Variants in FAF1 observed in about 807,000 individuals in gnomAD.
FAF1 encodes FAS-associated factor 1.
FAF1 carries 25 observed loss-of-function variants against 92.5 expected under a neutral mutation model. The observed-to-expected ratio is 0.27, with a 90% CI of 0.20 to 0.38. The LOEUF (loss-of-function observed/expected upper bound fraction) is 0.38, where lower values mean the gene tolerates loss of function less well. Ranked by LOEUF, FAF1 falls within the 10% of genes least tolerant of loss-of-function variation. The pLI is 1.00. For synonymous variants in FAF1, 234 were observed against 273.2 expected (o/e 0.86, Z 1.42); for missense variants, 636 against 793.3 (o/e 0.80, Z 2.38).
intron 3 of FAF1, among the ~76,000 whole-genome samples, chr1:50,796,212 A>AAC (rs59114947): frequency 0.027 from 4,136 of 151,136 alleles, 176 homozygotes; most frequent in African/African-American, 0.096. Context: ...CAAACACACA[A>AAC]ACACACACAC....
intron 5 of FAF1, among the ~76,000 whole-genome samples, chr1:50,741,457 A>C (rs1659385563): frequency 6.6e-6 from 1 of 152,242 alleles, no homozygotes; most frequent in East Asian, 1.9e-4. Context: ...AAATGTAATA[A>C]AAAAGCTATG....
At chr1:50,939,139 T>C (rs1479135045) in intron 1 of FAF1, among the ~76,000 whole-genome samples, 2 of 152,236 alleles carry the variant, frequency 1.3e-5, no homozygotes, top group Non-Finnish European at 2.9e-5. Context: ...GCACTGAATG[T>C]ATAAATTGCT....
intron 1 of FAF1, among the ~76,000 whole-genome samples, chr1:50,871,167 A>G (rs769140158): frequency 6.6e-6 from 1 of 152,250 alleles, no homozygotes; most frequent in Non-Finnish European, 1.5e-5. Flanking sequence ...AGGTGAGGAC[A>G]CGCAGAAGAA....
At chr1:50,609,241 A>G (rs2124129990) in intron 8 of FAF1, among the ~76,000 whole-genome samples, 1 of 152,324 alleles carries the variant, frequency 6.6e-6, no homozygotes, top group Non-Finnish European at 1.5e-5. Flanking sequence ...ATTCTGCCTA[A>G]TCCTTGTTAT....
chr1:50,542,472 G>C (rs1026240080), intron 13 of FAF1, among the ~76,000 whole-genome samples: 1 of 151,994 alleles, frequency 6.6e-6, no homozygotes, highest in African/African-American at 2.4e-5. Flanking sequence ...AAATAGATGG[G>C]GAAAAACCAG....
intron 5 of FAF1, among the ~76,000 whole-genome samples, chr1:50,739,418 G>T (rs945737375): frequency 6.6e-6 from 1 of 151,592 alleles, no homozygotes; most frequent in Non-Finnish European, 1.5e-5. Flanking sequence ...ATACATGTGA[G>T]TGTATGTGTA....
chr1:50,539,470 G>T (rs1648655562), intron 14 of FAF1, 122 bp downstream of exon 14: 6 of 596,604 alleles, frequency 1.0e-5, no homozygotes, highest in South Asian at 3.6e-5. Flanking sequence ...CATTTTTCAG[G>T]ATATTCTATA....
At chr1:50,504,096 T>C (rs989392826) in intron 15 of FAF1, among the ~76,000 whole-genome samples, 7 of 152,226 alleles carry the variant, frequency 4.6e-5, no homozygotes, top group African/African-American at 1.7e-4. Context: ...AAAAAATTAA[T>C]AGATGGATGA....
rs57528056 is a variant in FAF1 at position 50,779,991 on chromosome 1, G to GACACACACACACACACACACAC, written c.367+7987_367+8008dup. 2.7e-5 allele frequency among the ~76,000 whole-genome samples: 4 copies of GACACACACACACACACACACAC among 145,526 alleles called. No homozygotes were observed. In the South Asian group the frequency reaches 6.6e-4, roughly 24 times the overall value. On this transcript the variant is annotated intron_variant, in intron 4 of 18. Coordinates refer to ENST00000396153, the MANE Select transcript of FAF1 (RefSeq NM_007051.3). ...ACAAGCACACATGCACAGACAGACA[G>GACACACACACACACACACACAC]ACACACACACACACACACACACACA...
chr1:50,885,330 T>TCC (rs1644651854), intron 1 of FAF1, among the ~76,000 whole-genome samples: 2 of 136,514 alleles, frequency 1.5e-5, no homozygotes, highest in Admixed American at 7.0e-5. Flanking sequence ...ACACACTCTC[T>TCC]CTCTCTCTCT....
At chr1:50,802,120 C>A (rs948388550) in intron 2 of FAF1, among the ~76,000 whole-genome samples, 1 of 149,978 alleles carries the variant, frequency 6.7e-6, no homozygotes, top group Non-Finnish European at 1.5e-5. Context: ...GATGGAGTTT[C>A]ACTCTTGTTG....
At chr1:50,641,545 T>G (rs1247238144) in intron 8 of FAF1, among the ~76,000 whole-genome samples, 1 of 152,242 alleles carries the variant, frequency 6.6e-6, no homozygotes, top group Non-Finnish European at 1.5e-5. Flanking sequence ...AGTGATAATA[T>G]TAATTACAAT....
chr1:50,563,052 G>A (rs1221191380), intron 13 of FAF1, among the ~76,000 whole-genome samples: 1 of 152,124 alleles, frequency 6.6e-6, no homozygotes, highest in Non-Finnish European at 1.5e-5. Flanking sequence ...AAAGTAGATG[G>A]GAGGATGTGC....
chr1:50,788,259 C>G (rs1661436034), intron 3 of FAF1, 54 bp from the exon 4 acceptor site: 1 of 1,442,552 alleles, frequency 6.9e-7, no homozygotes, highest in Non-Finnish European at 9.7e-7. Flanking sequence ...TTACAGAATA[C>G]TACTAGGGAC....
intron 12 of FAF1, among the ~76,000 whole-genome samples, chr1:50,574,896 C>CTGTTTTTTT (rs1558000811): frequency 1.1e-4 from 14 of 122,880 alleles, no homozygotes; most frequent in African/African-American, 4.2e-4. Flanking sequence ...GTTGTATTAA[C>CTGTTTTTTT]TCTTTTTTTT....
At chr1:50,644,912 T>G (rs566016908) in intron 8 of FAF1, among the ~76,000 whole-genome samples, 6 of 152,234 alleles carry the variant, frequency 3.9e-5, no homozygotes, top group Non-Finnish European at 8.8e-5. Flanking sequence ...CTTCCATGTG[T>G]TCTTCTTCAT....
rs1295301237 is a variant in FAF1, at chr1:50,614,839, C to CAAAAA, written c.745-18628_745-18624dup. Among the ~76,000 whole-genome samples the CAAAAA allele has an allele frequency of 2.1e-4, 10 of 46,788 alleles. 1 individual carries two copies. The highest frequency in any genetic ancestry group is 7.7e-4 in the African/African-American group (10 of 13,026). The allele number at this position is 46,788 out of a possible 152,430, so 30.7% of individuals were successfully genotyped here. A position where few individuals can be genotyped will look rare whatever the true frequency, so the allele number is the denominator to read the frequency against. On this transcript the variant is annotated intron_variant, in intron 8 of 18. Coordinates refer to ENST00000396153, the MANE Select transcript of FAF1 (RefSeq NM_007051.3). Reference sequence around the variant, plus strand: ...GGGCCGCAACAGCGAAACTCCGTCTCAAAAAAAAAAAAAAAAAAAAGTTTC... The same window carrying CAAAAA: ...GGGCCGCAACAGCGAAACTCCGTCTCAAAAAAAAAAAAAAAAAAAAAAAAAGTTTC...
chr1:50,870,126 T>C (rs899182498), intron 1 of FAF1, among the ~76,000 whole-genome samples: 14 of 152,228 alleles, frequency 9.2e-5, no homozygotes, highest in Non-Finnish European at 1.6e-4. Context: ...ACACATTTTA[T>C]TACACTCTAC....
At chr1:50,765,321 A>G (rs913616746) in intron 4 of FAF1, among the ~76,000 whole-genome samples, 2 of 152,150 alleles carry the variant, frequency 1.3e-5, no homozygotes, top group African/African-American at 4.8e-5. Flanking sequence ...TAGTGTTTTT[A>G]TTTTTCTTCA....
Sources: gnomAD v4.1 joint callset for allele counts (sites outside exome capture counted in the v4.1 genomes callset) on GRCh38, gnomAD v4.1.1 for gene constraint, MANE v1.5 for transcripts, NCBI Gene and HGNC (gene_info 2026-07-23, HGNC 2026-07-21) for gene names.